MATK: variants seen among roughly 807,000 people sequenced by gnomAD.
MATK encodes the protein megakaryocyte-associated tyrosine kinase, also known as megakaryocyte-associated tyrosine-protein kinase.
A neutral mutation model predicts 59.8 loss-of-function variants in MATK; 41 were observed. That is an observed-to-expected ratio of 0.69 (90% CI 0.53 to 0.89). MATK has a LOEUF of 0.89. Ranked by LOEUF, MATK falls within the 40% of genes least tolerant of loss-of-function variation. The pLI, the probability that MATK is intolerant of heterozygous loss-of-function variation, is 0.00. For missense variants in MATK, 593 were observed against 719.6 expected (o/e 0.82, Z 2.01); for synonymous variants, 308 against 306.1 (o/e 1.01, Z -0.06).
At chr19:3,782,538 A>C (rs1413225584) in intron 7 of MATK, among the ~76,000 whole-genome samples, 2 of 152,248 alleles carry the variant, frequency 1.3e-5, no homozygotes, top group African/African-American at 2.4e-5. Flanking sequence ...CAGAGGCATG[A>C]AGAAAACGAT....
rs746804251 is a variant in MATK at position 3,778,616 on chromosome 19, G to A, written c.1198-21C>T. The A allele has an allele frequency of 6.3e-6, 10 of 1,594,722 alleles. No individual in the cohort carries two copies. The South Asian group carries it at 1.0e-4, about 16-fold the overall frequency. Reference sequence around the variant, plus strand: ...AACTTCTGTGGGGCCCGAGACGGGGGTGAGGAGGGACCCCTCAGGTTTTCT... The same window carrying A: ...AACTTCTGTGGGGCCCGAGACGGGGATGAGGAGGGACCCCTCAGGTTTTCT... On this transcript the variant is annotated intron_variant, in intron 12 of 13. Transcript: ENST00000310132.
At chr19:3,791,363 T>G (rs2037540173), upstream of MATK, among the ~76,000 whole-genome samples, 1 of 151,408 alleles carries the variant, frequency 6.6e-6, no homozygotes, top group African/African-American at 2.4e-5. Context: ...TTTTTTTTTT[T>G]GAAACAGAGT....
chr19:3,789,295 G>C (rs1464405917), upstream of MATK: 2 of 779,374 alleles, frequency 2.6e-6, no homozygotes, highest in African/African-American at 3.4e-5. Context: ...CTGACCACGG[G>C]TCCCTCGCCG....
rs201930103 is a variant in MATK, at chr19:3,791,632, C to T, written c.-57-2228G>A. On this transcript the variant is annotated intron_variant, in intron 1 of 13. Coordinates refer to the MATK transcript ENST00000395045. ...TATTGGGATTACAGGCGTGAGCCACCGCACCCAGCCTCCACCTCCTCCCCT... is the reference window on the plus strand; with the variant it reads ...TATTGGGATTACAGGCGTGAGCCACTGCACCCAGCCTCCACCTCCTCCCCT... Among the ~76,000 whole-genome samples the T allele has an allele frequency of 1.1e-3, 165 of 151,746 alleles. 3 individuals are homozygous for T. The East Asian group carries it at 0.024, about 22-fold the overall frequency.
At chr19:3,788,672 G>A (rs2037513576), upstream of MATK, among the ~76,000 whole-genome samples, 1 of 150,388 alleles carries the variant, frequency 6.6e-6, no homozygotes, top group African/African-American at 2.4e-5. Context: ...TGTTGCCCAG[G>A]CTGGTCTCAA....
intron 1 of MATK, among the ~76,000 whole-genome samples, chr19:3,801,272 C>T (rs975826726): frequency 6.6e-6 from 1 of 152,202 alleles, no homozygotes; most frequent in Admixed American, 6.5e-5. Context: ...AGAAGCTAAA[C>T]TAGGGAGGCA....
upstream of MATK, among the ~76,000 whole-genome samples, chr19:3,787,073 T>C (rs930958667): frequency 6.6e-6 from 1 of 152,200 alleles, no homozygotes; most frequent in African/African-American, 2.4e-5. Context: ...GATGGCTTTG[T>C]GGTTGGGGTG....
Position 3,784,340 on chromosome 19 carries a change from C to T in MATK, c.244G>A (p.Glu82Lys), listed in dbSNP as rs762301988. The change falls in exon 4 of 14, where the codon GAG (glutamate) becomes AAG (lysine). Residue 82 changes from glutamate (E) to lysine (K), a missense_variant and splice_region_variant. Physicochemically the swap from Glu to Lys is moderately conservative, Grantham distance 56 (BLOSUM62 1). Transcript: ENST00000310132. ...GDVVTILEAC[E>K]NKSWYRVKHH... is the part of the protein sequence containing the mutation. Reference sequence around the variant, plus strand: ...CACACCCGCCGGCCACCTCTCACCTCGCAGGCCTCCAGGATGGTGACCACG... The same window carrying T: ...CACACCCGCCGGCCACCTCTCACCTTGCAGGCCTCCAGGATGGTGACCACG... The T allele has an allele frequency of 1.2e-5, 19 of 1,603,764 alleles. No individual in the cohort carries two copies. Among genetic ancestry groups the T allele is most frequent in the South Asian group, 8.9e-5 (8 of 90,294 alleles).
chr19:3,779,558 T>C lies in MATK; in HGVS notation c.902A>G (p.Tyr301Cys). 1 of 1,611,926 alleles carries C rather than the reference T, an allele frequency of 6.2e-7. No individual in the cohort carries two copies. Among genetic ancestry groups the C allele is most frequent in the Non-Finnish European group, 8.5e-7 (1 of 1,179,530 alleles). ...CTTGCTCACGTGCTCCATGACAATG[T>C]ACAGCCCCTGGTGCAGGATCACGCC... ...LLGVILHQGL[Y>C]IVMEHVSKGN... The change falls in exon 10 of 14, where the codon TAC (tyrosine) becomes TGC (cysteine). Residue 301 changes from tyrosine (Y) to cysteine (C), a missense_variant. Tyr to Cys is a radical substitution (Grantham distance 194, BLOSUM62 -2). Coordinates refer to ENST00000310132, the MANE Select transcript of MATK (RefSeq NM_139355.3).
rs2037463913 is a variant in MATK, at chr19:3,785,191, T to C, written c.-56A>G. ...AGGCACACTGAGCAAGTGGTCACAG[T>C]CGGGGACGCTGGGAATGGCCTGCCA... On this transcript the variant is annotated 5_prime_UTR_variant, in exon 2 of 14. Coordinates refer to ENST00000310132, the MANE Select transcript of MATK (RefSeq NM_139355.3). The C allele has an allele frequency of 6.2e-7, 1 of 1,611,402 alleles. No homozygotes were observed. The highest frequency in any genetic ancestry group is 1.7e-5 in the Admixed American group (1 of 59,766).
At chr19:3,784,983 G>A (rs1369829973) in intron 2 of MATK, 81 bp downstream of exon 2, 2 of 1,485,760 alleles carry the variant, frequency 1.3e-6, no homozygotes, top group African/African-American at 2.8e-5. Context: ...TGGCTGGGCA[G>A]GCAGAGAGAG....
intron 13 of MATK, 22 bp from the exon 14 acceptor site, chr19:3,778,444 A>G (rs757769128): frequency 6.2e-7 from 1 of 1,613,396 alleles, no homozygotes; most frequent in Non-Finnish European, 8.5e-7. Context: ...AGGCGTGGGC[A>G]GGGGTCAGGG....
At chr19:3,778,847 G>T in intron 12 of MATK, 145 bp downstream of exon 12, 1 of 924,050 alleles carries the variant, frequency 1.1e-6, no homozygotes, top group Non-Finnish European at 1.6e-6. Flanking sequence ...GGGGGGCTAC[G>T]AGGAACAATT....
intron 7 of MATK, chr19:3,782,862 G>T: frequency 2.0e-6 from 1 of 510,652 alleles, no homozygotes; most frequent in Non-Finnish European, 3.5e-6. Context: ...GGAGGATGGG[G>T]TGGGTGGAGG....
chr19:3,782,663 C>T (rs2037417602), intron 7 of MATK, among the ~76,000 whole-genome samples: 1 of 152,162 alleles, frequency 6.6e-6, no homozygotes, highest in African/African-American at 2.4e-5. Context: ...AGCTGCTGGG[C>T]CTCTCTCCCT....
upstream of MATK, among the ~76,000 whole-genome samples, chr19:3,790,381 C>A (rs2037529308): frequency 2.0e-5 from 3 of 152,182 alleles, no homozygotes; most frequent in African/African-American, 7.2e-5. Flanking sequence ...TGCAGGTCAC[C>A]CTCCTGGTGC....
chr19:3,786,428 C>T (rs925055692), upstream of MATK: 1 of 978,626 alleles, frequency 1.0e-6, no homozygotes, highest in South Asian at 4.6e-5. The surrounding 1 kb of genome is among the most constrained non-coding windows in gnomAD (Gnocchi z 4.1). Context: ...CTCCCCGCCC[C>T]GCCTCCGCGG....
At chr19:3,779,659 C>T (rs2066772) in intron 9 of MATK, 39 bp downstream of exon 9, 66,253 of 1,610,352 alleles carry the variant, frequency 0.041, 1,627 homozygotes, top group Middle Eastern at 0.063. Flanking sequence ...GCTGGGACCC[C>T]CCCCGTCCCA....
intron 7 of MATK, 101 bp from the exon 8 acceptor site, chr19:3,781,773 G>A: frequency 1.1e-6 from 1 of 921,382 alleles, no homozygotes; most frequent in South Asian, 1.3e-5. Flanking sequence ...TCACAGTGCT[G>A]CAGCTGTGGA....
Sources: allele counts gnomAD v4.1 joint callset (sites outside exome capture counted in the v4.1 genomes callset), GRCh38; gene constraint gnomAD v4.1.1; non-coding constraint Gnocchi (gnomAD v3.1); transcripts MANE v1.5; gene names NCBI Gene and HGNC (gene_info 2026-07-23, HGNC 2026-07-21).